The following FAM124A variants were observed in gnomAD, a reference collection of about 807,000 sequenced individuals.
FAM124A encodes the protein family with sequence similarity 124 member A, also known as protein FAM124A.
A neutral mutation model predicts 24.5 loss-of-function variants in FAM124A; 23 were observed. The observed-to-expected ratio is 0.94, with a 90% CI of 0.68 to 1.33. The LOEUF is 1.33. Among genes scored for constraint, FAM124A ranks in the 40% most tolerant of loss-of-function variants. The pLI, the probability that FAM124A is intolerant of heterozygous loss-of-function variation, is 0.00. For missense variants in FAM124A, 623 were observed against 722.8 expected (o/e 0.86, Z 1.58); for synonymous variants, 287 against 314.7 (o/e 0.91, Z 0.93).
rs758941298 is a variant in FAM124A at position 51,252,143 on chromosome 13, C to A, written c.776C>A (p.Pro259His). The A allele has an allele frequency of 1.2e-6, 2 of 1,613,898 alleles. No homozygotes were observed. The highest frequency in any genetic ancestry group is 1.7e-6 in the Non-Finnish European group (2 of 1,180,032). Residue 259 changes from proline to histidine, a missense_variant, in exon 3 of 4, where the codon CCC becomes CAC. Physicochemically the swap from Pro to His is moderately conservative, Grantham distance 77 (BLOSUM62 -2). Coordinates refer to ENST00000322475, the MANE Select transcript of FAM124A (RefSeq NM_001242312.2). The part of the protein sequence containing the change: ...LVPLLPNPCS[P>H]ISEGRWQTED... ...CCTCTCCTGCCCAACCCTTGCAGCC[C>A]CATCAGCGAGGGGCGCTGGCAGACG...
chr13:51,264,281 C>A, intron 3 of FAM124A, among the ~76,000 whole-genome samples: 1 of 152,192 alleles, frequency 6.6e-6, no homozygotes, highest in East Asian at 1.9e-4. Context: ...CCCCAAGGCA[C>A]CCCCTCTCCC....
rs530321908 is a variant in FAM124A, at chr13:51,234,079, G to A, written c.100+2700G>A. ...TCTGCCACTGCTGTCAGCCTCTCTC[G>A]ACTCAGTGGCTTTTGAATGATTCCT... On this transcript the variant is annotated intron_variant, in intron 2 of 3. Coordinates refer to ENST00000322475, the MANE Select transcript of FAM124A (RefSeq NM_001242312.2). Among the ~76,000 whole-genome samples the A allele has an allele frequency of 3.3e-5, 5 of 152,306 alleles. No individual in the cohort carries two copies. The South Asian group carries it at 8.3e-4, about 25-fold the overall frequency.
At chr13:51,269,005 T>A (rs927100924) in intron 3 of FAM124A, among the ~76,000 whole-genome samples, 3 of 152,202 alleles carry the variant, frequency 2.0e-5, no homozygotes, top group Non-Finnish European at 4.4e-5. Context: ...GAAGCCATGA[T>A]GGAAGTTAGC....
chr13:51,228,385 AAAT>A (rs1363347588), intron 1 of FAM124A, among the ~76,000 whole-genome samples: 2 of 152,332 alleles, frequency 1.3e-5, no homozygotes, highest in South Asian at 2.1e-4. Context: ...CACAAATAGT[AAAT>A]AATATTTGGA....
chr13:51,269,375 G>T (rs1034849484), intron 3 of FAM124A, among the ~76,000 whole-genome samples: 1 of 152,340 alleles, frequency 6.6e-6, no homozygotes, highest in Admixed American at 6.5e-5. Context: ...AAGACAAGAG[G>T]TCAACCTTGT....
At chr13:51,269,508 A>G (rs1430636083) in intron 3 of FAM124A, among the ~76,000 whole-genome samples, 2 of 152,236 alleles carry the variant, frequency 1.3e-5, no homozygotes, top group African/African-American at 4.8e-5. Context: ...AATTGTCACC[A>G]TGTTTATATG....
rs530358697 is a variant in FAM124A at position 51,224,341 on chromosome 13, C to T, written c.68+1772C>T. On this transcript the variant is annotated intron_variant, in intron 1 of 3. Coordinates refer to ENST00000322475, the MANE Select transcript of FAM124A (RefSeq NM_001242312.2). ...ACAGAATTAGCCAGGTGTGGTGGCGCATGCCTGTAATCCCAGCTACTCGGG... is the reference window on the plus strand; with the variant it reads ...ACAGAATTAGCCAGGTGTGGTGGCGTATGCCTGTAATCCCAGCTACTCGGG... Among the ~76,000 whole-genome samples, 38 of 152,302 alleles carry T rather than the reference C, an allele frequency of 2.5e-4. 1 individual carries two copies. The South Asian group carries it at 7.5e-3, about 30-fold the overall frequency.
At chr13:51,279,196 C>T (rs1954912970) in intron 3 of FAM124A, among the ~76,000 whole-genome samples, 1 of 152,184 alleles carries the variant, frequency 6.6e-6, no homozygotes, top group African/African-American at 2.4e-5. Flanking sequence ...CTCTAATAGC[C>T]TCATTTTATT....
At chr13:51,248,699 A>G (rs578024107) in intron 2 of FAM124A, among the ~76,000 whole-genome samples, 1 of 152,340 alleles carries the variant, frequency 6.6e-6, no homozygotes, top group Non-Finnish European at 1.5e-5. Flanking sequence ...GCCAAAACAC[A>G]TGCCACTGCT....
chr13:51,235,599 A>T (rs1480504241), intron 2 of FAM124A, among the ~76,000 whole-genome samples: 1 of 126,312 alleles, frequency 7.9e-6, no homozygotes, highest in Non-Finnish European at 1.9e-5. Context: ...AGAATTAACT[A>T]GTCCTATTTG....
Position 51,251,928 on chromosome 13 carries a change from C to G in FAM124A, c.561C>G (p.Leu187=), listed in dbSNP as rs902993948. ...YCRYDNYADS[L]RFYQLILRRS... ...GCTACGACAACTATGCTGACAGCCTCAGGTTCTACCAGCTGATTCTCCGGA... is the reference window on the plus strand; with the variant it reads ...GCTACGACAACTATGCTGACAGCCTGAGGTTCTACCAGCTGATTCTCCGGA... The change falls in exon 3 of 4, where the codon CTC becomes CTG. Residue 187 remains leucine, a synonymous_variant. Coordinates refer to ENST00000322475, the MANE Select transcript of FAM124A (RefSeq NM_001242312.2). This position sits in a 1 kb window ranked among gnomAD's most constrained non-coding sequence, Gnocchi z 5.3. 2 of 1,614,096 alleles carry G rather than the reference C, an allele frequency of 1.2e-6. No individual in the cohort carries two copies. Among genetic ancestry groups the G allele is most frequent in the Non-Finnish European group, 8.5e-7 (1 of 1,180,058 alleles).
chr13:51,268,874 T>C (rs1566173637), intron 3 of FAM124A, among the ~76,000 whole-genome samples: 1 of 152,200 alleles, frequency 6.6e-6, no homozygotes, highest in Non-Finnish European at 1.5e-5. Context: ...CTCTCTTCCA[T>C]TAACTCAGGA....
At position 51,251,907 on chromosome 13, in the gene FAM124A, C is replaced by G. The variant is rs776248339; in HGVS notation, c.540C>G (p.Tyr180Ter). The G allele has an allele frequency of 2.5e-6, 4 of 1,614,008 alleles. No individual in the cohort carries two copies. Among genetic ancestry groups the G allele is most frequent in the Admixed American group, 1.7e-5 (1 of 60,012 alleles). The change falls in exon 3 of 4, where the codon TAC (tyrosine) becomes TAG (stop). Residue 180 changes from tyrosine to a stop codon, truncating the protein, a stop_gained. Transcript: ENST00000322475. LOFTEE classifies it high-confidence loss of function. The surrounding 1 kb of genome is among the most constrained non-coding windows in gnomAD (Gnocchi z 5.3). The part of the protein sequence containing the change: ...EIVRFTVYCR[Y>*]DNYADSLRFY... ...TGCGCTTCACCGTCTACTGTCGCTA[C>G]GACAACTATGCTGACAGCCTCAGGT...
intron 2 of FAM124A, among the ~76,000 whole-genome samples, chr13:51,247,143 G>C (rs1954572619): frequency 6.6e-6 from 1 of 152,238 alleles, no homozygotes; most frequent in Non-Finnish European, 1.5e-5. Flanking sequence ...TGGTGGCTGG[G>C]AATGAAGCCA....
chr13:51,259,556 C>T (rs935296686), intron 3 of FAM124A, among the ~76,000 whole-genome samples: 1 of 152,118 alleles, frequency 6.6e-6, no homozygotes, highest in African/African-American at 2.4e-5. Context: ...CCCTCAGGGT[C>T]ACCTCATGAG....
At chr13:51,266,485 C>T (rs1267654259) in intron 3 of FAM124A, among the ~76,000 whole-genome samples, 1 of 152,124 alleles carries the variant, frequency 6.6e-6, no homozygotes, top group Non-Finnish European at 1.5e-5. Context: ...TTGTTTATGG[C>T]AGAACTTGAC....
intron 3 of FAM124A, among the ~76,000 whole-genome samples, chr13:51,254,314 A>T (rs1454499455): frequency 6.6e-6 from 1 of 152,154 alleles, no homozygotes; most frequent in African/African-American, 2.4e-5. Flanking sequence ...TTATTTCCTC[A>T]TCTTACACCA....
At chr13:51,261,524 A>G (rs1954738180) in intron 3 of FAM124A, among the ~76,000 whole-genome samples, 1 of 152,188 alleles carries the variant, frequency 6.6e-6, no homozygotes, top group Non-Finnish European at 1.5e-5. Context: ...CCCTGAGAGG[A>G]AGAGTAATTT....
At chr13:51,253,510 G>C (rs1954647096) in intron 3 of FAM124A, 3 of 152,082 alleles carry the variant, frequency 2.0e-5, no homozygotes, top group South Asian at 4.1e-4. Context: ...AATTGTCTCT[G>C]TGTTTGAAGA....
Sources: gnomAD v4.1 joint callset for allele counts (sites outside exome capture counted in the v4.1 genomes callset) on GRCh38, gnomAD v4.1.1 for gene constraint, Gnocchi (gnomAD v3.1) non-coding constraint, MANE v1.5 for transcripts, NCBI Gene and HGNC (gene_info 2026-07-23, HGNC 2026-07-21) for gene names.